The following SHANK2 variants were observed in gnomAD, a reference collection of about 807,000 sequenced individuals.
SHANK2 encodes SH3 and multiple ankyrin repeat domains 2, also known as SH3 and multiple ankyrin repeat domains protein 2.
SHANK2 carries 43 observed loss-of-function variants against 133.7 expected under a neutral mutation model. The ratio of observed to expected loss-of-function variants is 0.32; its 90% CI spans 0.25 to 0.41. The LOEUF (loss-of-function observed/expected upper bound fraction) is 0.41. Ranked by LOEUF, SHANK2 falls within the 10% of genes least tolerant of loss-of-function variation. The pLI is 1.00. For missense variants in SHANK2, 1,994 were observed against 2,235.8 expected, an observed-to-expected ratio of 0.89 and a Z score of 2.18; for synonymous variants, 1,017 against 952.8, an observed-to-expected ratio of 1.07 and a Z score of -1.24.
chr11:71,244,896 G>A (rs1046377487), intron 1 of SHANK2, among the ~76,000 whole-genome samples: 1 of 152,026 alleles, frequency 6.6e-6, no homozygotes, highest in Admixed American at 6.5e-5. Context: ...TGGAGATGGG[G>A]TTTCACCATT....
rs370188431 is a variant in SHANK2 at position 70,637,717 on chromosome 11, T to C, written c.2061+22111A>G. On this transcript the variant is annotated intron_variant, in intron 17 of 25. Transcript: ENST00000601538. ...GGCTGCTCCAGACCCTCGAAAGCCC[T>C]GGGGCCCAGATCCTGGCAGTCTTGC... Among the ~76,000 whole-genome samples, 17 of 152,340 alleles carry C rather than the reference T, an allele frequency of 1.1e-4. No homozygotes were observed. The East Asian group carries it at 2.9e-3, about 26-fold the overall frequency.
chr11:71,057,794 A>G (rs1435399845), intron 9 of SHANK2, among the ~76,000 whole-genome samples: 2 of 146,496 alleles, frequency 1.4e-5, no homozygotes, highest in East Asian at 4.1e-4. Context: ...AGTGATCTGC[A>G]GGCCTCTACC....
At chr11:71,126,979 A>G (rs1171893034) in intron 3 of SHANK2, among the ~76,000 whole-genome samples, 1 of 152,158 alleles carries the variant, frequency 6.6e-6, no homozygotes, top group African/African-American at 2.4e-5. Flanking sequence ...TGCTGGGACT[A>G]CAGGCTTGAG....
intron 14 of SHANK2, among the ~76,000 whole-genome samples, chr11:70,699,343 G>A (rs1423339596): frequency 6.6e-6 from 1 of 151,696 alleles, no homozygotes; most frequent in African/African-American, 2.4e-5. Context: ...TAAATTTCAT[G>A]GGAAATGATA....
rs1210699408 is a variant in SHANK2, at chr11:70,535,639, G to C, written c.2062-32708C>G. ...TGTGAGGTCAAGTGTTGTGCTAGAC[G>C]CTGGGGAATGAATAACTCCTGGCCC... is the stretch of plus-strand genomic sequence containing the variant. On this transcript the variant is annotated intron_variant, in intron 17 of 25. Coordinates refer to ENST00000601538, the MANE Select transcript of SHANK2 (RefSeq NM_012309.5). This position sits in a 1 kb window ranked among gnomAD's most constrained non-coding sequence, Gnocchi z 4.3. Among the ~76,000 whole-genome samples the C allele has an allele frequency of 6.6e-6, 1 of 152,224 alleles. No homozygotes were observed. The highest frequency in any genetic ancestry group is 1.5e-5 in the Non-Finnish European group (1 of 68,046).
At chr11:70,951,780 G>T (rs1008235269) in intron 10 of SHANK2, among the ~76,000 whole-genome samples, 2 of 152,218 alleles carry the variant, frequency 1.3e-5, no homozygotes, top group Non-Finnish European at 2.9e-5. Flanking sequence ...CCACCCAAAG[G>T]CTCTAGGGGA....
chr11:71,238,696 AAC>A (rs1444616672), intron 1 of SHANK2, among the ~76,000 whole-genome samples: 1 of 152,374 alleles, frequency 6.6e-6, no homozygotes, highest in African/African-American at 2.4e-5. Flanking sequence ...AGTGTGCTGA[AAC>A]ACAGTGACAC....
At chr11:70,594,711 C>T (rs939567672) in intron 17 of SHANK2, among the ~76,000 whole-genome samples, 13 of 152,080 alleles carry the variant, frequency 8.5e-5, no homozygotes, top group Non-Finnish European at 1.6e-4. Context: ...CCGTGAACCT[C>T]GAAATGTCAC....
At chr11:70,805,347 T>C (rs561984854) in intron 13 of SHANK2, among the ~76,000 whole-genome samples, 2 of 152,322 alleles carry the variant, frequency 1.3e-5, no homozygotes, top group East Asian at 3.9e-4. Context: ...TGGCTCCCAC[T>C]TGGGCCTAGG....
At chr11:70,859,430 A>G (rs1373611217) in intron 11 of SHANK2, among the ~76,000 whole-genome samples, 1 of 152,036 alleles carries the variant, frequency 6.6e-6, no homozygotes, top group African/African-American at 2.4e-5. Flanking sequence ...CGATAGATGG[A>G]TAAGCGTGTG....
At chr11:70,503,632 C>A (rs532153134) in intron 17 of SHANK2, among the ~76,000 whole-genome samples, 1 of 152,354 alleles carries the variant, frequency 6.6e-6, no homozygotes, top group African/African-American at 2.4e-5. Context: ...CACTGCCCTG[C>A]AGTTGAGGAA....
At chr11:70,659,195 A>G (rs2061449185) in intron 17 of SHANK2, among the ~76,000 whole-genome samples, 1 of 152,164 alleles carries the variant, frequency 6.6e-6, no homozygotes, top group Non-Finnish European at 1.5e-5. Flanking sequence ...TCAAACCTCT[A>G]TTCTCTAAAG....
chr11:70,612,976 C>G (rs2060681789), intron 17 of SHANK2, among the ~76,000 whole-genome samples: 1 of 152,182 alleles, frequency 6.6e-6, no homozygotes, highest in African/African-American at 2.4e-5. Context: ...CATCCGGATC[C>G]TTTCTTGTTC....
intron 14 of SHANK2, among the ~76,000 whole-genome samples, chr11:70,708,877 G>A (rs782054720): frequency 1.3e-5 from 2 of 152,220 alleles, no homozygotes; most frequent in African/African-American, 2.4e-5. Context: ...GCCTTCTGAT[G>A]TGTGGACCCC....
intron 6 of SHANK2, among the ~76,000 whole-genome samples, chr11:71,098,807 G>C (rs1367909162): frequency 6.6e-6 from 1 of 152,030 alleles, no homozygotes; most frequent in Non-Finnish European, 1.5e-5. Context: ...CTGTCCTCAG[G>C]GGGTGATGCG....
At chr11:70,703,215 C>T (rs1258291701) in intron 14 of SHANK2, among the ~76,000 whole-genome samples, 1 of 152,150 alleles carries the variant, frequency 6.6e-6, no homozygotes, top group African/African-American at 2.4e-5. Context: ...AGCTCAGTAA[C>T]GTTGCTGTGT....
At chr11:70,518,584 T>C (rs2135916832) in intron 17 of SHANK2, among the ~76,000 whole-genome samples, 1 of 152,338 alleles carries the variant, frequency 6.6e-6, no homozygotes, top group African/African-American at 2.4e-5. Context: ...TTGCAGTTCA[T>C]TTGCTGAAGA....
Position 70,486,648 on chromosome 11 carries a change from C to T in SHANK2, c.3645G>A (p.Pro1215=), listed in dbSNP as rs2058810770. 1.2e-6 allele frequency: 2 copies of T among 1,612,386 alleles called. No individual in the cohort carries two copies. The highest frequency in any genetic ancestry group is 1.7e-6 in the Non-Finnish European group (2 of 1,179,994). The change falls in exon 25 of 26, where the codon CCG becomes CCA. Residue 1215 remains proline, a synonymous_variant. Transcript: ENST00000601538. This position sits in a 1 kb window ranked among gnomAD's most constrained non-coding sequence, Gnocchi z 8.0. The part of the protein sequence containing the change: ...LTGRLLDPSS[P]LALALSARDR... ...CCCTTGCGGAGAGTGCCAGGGCCAGCGGGGAGCTGGGATCAAGCAGCCGCC... is the reference window on the plus strand; with the variant it reads ...CCCTTGCGGAGAGTGCCAGGGCCAGTGGGGAGCTGGGATCAAGCAGCCGCC...
chr11:70,680,005 C>T (rs977240085), intron 15 of SHANK2, among the ~76,000 whole-genome samples: 2 of 152,126 alleles, frequency 1.3e-5, no homozygotes, highest in Non-Finnish European at 2.9e-5. Context: ...GGACAGGGGT[C>T]GGTGGAGCAG....
Sources: allele counts gnomAD v4.1 joint callset (sites outside exome capture counted in the v4.1 genomes callset), GRCh38; gene constraint gnomAD v4.1.1; non-coding constraint Gnocchi (gnomAD v3.1); transcripts MANE v1.5; gene names NCBI Gene and HGNC (gene_info 2026-07-23, HGNC 2026-07-21).